The following TASP1 variants were observed in gnomAD, a reference collection of about 807,000 sequenced individuals.
The protein encoded by TASP1 is taspase 1.
TASP1 carries 16 observed loss-of-function variants against 56.6 expected under a neutral mutation model. That is an observed-to-expected ratio of 0.28 (90% CI 0.19 to 0.43). The LOEUF is 0.43. Among genes scored for constraint, TASP1 ranks in the 20% least tolerant of loss-of-function variants. The pLI, the probability that TASP1 is intolerant of heterozygous loss-of-function variation, is 1.00. For synonymous variants in TASP1, 179 were observed against 184.2 expected (o/e 0.97, Z 0.23); for missense variants, 393 against 511.6 (o/e 0.77, Z 2.24).
At chr20:13,334,562 T>C in the TASP1 span, among the ~76,000 whole-genome samples, 1 of 152,222 alleles carries the variant, frequency 6.6e-6, no homozygotes, top group Non-Finnish European at 1.5e-5. Flanking sequence ...AAAGCTTGGA[T>C]ACTAAATAAC....
the TASP1 span, chr20:13,288,673 A>C: frequency 6.2e-7 from 1 of 1,613,788 alleles, no homozygotes; most frequent in Non-Finnish European, 8.5e-7. Context: ...GTGACCGTCC[A>C]AACTGCCCAG....
chr20:13,546,164 T>C (rs1453147991), intron 8 of TASP1, among the ~76,000 whole-genome samples: 3 of 151,064 alleles, frequency 2.0e-5, no homozygotes, highest in Non-Finnish European at 4.4e-5. Context: ...AAATGTTTGC[T>C]GGTGATAATG....
At chr20:13,117,101 A>G in the TASP1 span, among the ~76,000 whole-genome samples, 1 of 152,202 alleles carries the variant, frequency 6.6e-6, no homozygotes, top group Non-Finnish European at 1.5e-5. Flanking sequence ...AGTCAAACAG[A>G]CCTGGCCAAA....
the TASP1 span, among the ~76,000 whole-genome samples, chr20:13,291,299 G>T: frequency 6.6e-6 from 1 of 152,098 alleles, no homozygotes; most frequent in African/African-American, 2.4e-5. Flanking sequence ...GTAACATGAA[G>T]GATTTCGTTT....
chr20:13,595,746 A>G (rs1168123088), intron 4 of TASP1, among the ~76,000 whole-genome samples: 1 of 152,178 alleles, frequency 6.6e-6, no homozygotes, highest in African/African-American at 2.4e-5. Flanking sequence ...GAGACCTAAA[A>G]AGAGATTTAG....
chr20:13,618,693 G>C (rs1179485428), intron 4 of TASP1, among the ~76,000 whole-genome samples: 2 of 152,082 alleles, frequency 1.3e-5, no homozygotes, highest in Non-Finnish European at 1.5e-5. Flanking sequence ...CAAGAAACGA[G>C]TTTTAACCAT....
At chr20:13,120,765 C>A in the TASP1 span, among the ~76,000 whole-genome samples, 2 of 152,200 alleles carry the variant, frequency 1.3e-5, no homozygotes, top group African/African-American at 4.8e-5. Flanking sequence ...CACAAAGTGT[C>A]CTACAAATTC....
intron 13 of TASP1, among the ~76,000 whole-genome samples, chr20:13,394,404 T>A (rs12151883): frequency 0.055 from 8,241 of 148,670 alleles, 334 homozygotes; most frequent in Admixed American, 0.14. Flanking sequence ...AGGTCAGGAG[T>A]TTGAGACCAT....
At chr20:13,288,440 A>G in the TASP1 span, 1 of 1,281,392 alleles carries the variant, frequency 7.8e-7, no homozygotes, top group Non-Finnish European at 1.1e-6. Flanking sequence ...CCCCTCCCAC[A>G]GCGAGAAGGA....
the TASP1 span, among the ~76,000 whole-genome samples, chr20:13,184,574 C>T: frequency 6.6e-6 from 1 of 152,104 alleles, no homozygotes; most frequent in African/African-American, 2.4e-5. Flanking sequence ...TTATTTCTGC[C>T]ACTGTGGTAT....
At chr20:13,459,995 C>T (rs2043994126) in intron 11 of TASP1, among the ~76,000 whole-genome samples, 1 of 152,146 alleles carries the variant, frequency 6.6e-6, no homozygotes, top group Non-Finnish European at 1.5e-5. Flanking sequence ...ACACTTTCCT[C>T]TCCAGCTACC....
At chr20:13,309,803 A>T in the TASP1 span, among the ~76,000 whole-genome samples, 4 of 152,132 alleles carry the variant, frequency 2.6e-5, no homozygotes, top group Non-Finnish European at 1.5e-5. Context: ...TAAGCAAAAA[A>T]ACTATCCAAA....
intron 7 of TASP1, among the ~76,000 whole-genome samples, chr20:13,564,883 G>A (rs1172559167): frequency 6.6e-6 from 1 of 151,816 alleles, no homozygotes; most frequent in African/African-American, 2.4e-5. Context: ...GTGGGCACTT[G>A]TAATCCCAAC....
chr20:13,221,870 G>A, the TASP1 span: 4 of 1,419,190 alleles, frequency 2.8e-6, no homozygotes, highest in Non-Finnish European at 3.7e-6. Flanking sequence ...AGCCGCCGAC[G>A]GGCCCGACGC....
At chr20:13,352,385 G>T in the TASP1 span, among the ~76,000 whole-genome samples, 10 of 151,526 alleles carry the variant, frequency 6.6e-5, no homozygotes, top group South Asian at 2.1e-3. Flanking sequence ...CAGAGGCAGA[G>T]GTAGCAGTAA....
the TASP1 span, among the ~76,000 whole-genome samples, chr20:13,342,157 A>G: frequency 6.6e-6 from 1 of 152,182 alleles, no homozygotes; most frequent in Non-Finnish European, 1.5e-5. Context: ...TTAGCAGTCG[A>G]TTAGGCTACT....
At chr20:13,115,507 CA>C in the TASP1 span, among the ~76,000 whole-genome samples, 1 of 151,976 alleles carries the variant, frequency 6.6e-6, no homozygotes, top group Admixed American at 6.5e-5. Flanking sequence ...AGTTCCAGAA[CA>C]AAAAAATGGC....
At chr20:13,278,165 T>A in the TASP1 span, among the ~76,000 whole-genome samples, 2 of 152,204 alleles carry the variant, frequency 1.3e-5, no homozygotes, top group African/African-American at 4.8e-5. Flanking sequence ...AGGAACCCAA[T>A]GCGTCTTTTA....
intron 11 of TASP1, among the ~76,000 whole-genome samples, chr20:13,482,030 T>C (rs1175775399): frequency 6.6e-6 from 1 of 152,194 alleles, no homozygotes; most frequent in Non-Finnish European, 1.5e-5. Flanking sequence ...AGTGCTTTCT[T>C]GTAGTAGTTT....
Sources: gnomAD v4.1 joint callset for allele counts (sites outside exome capture counted in the v4.1 genomes callset) on GRCh38, gnomAD v4.1.1 for gene constraint, MANE v1.5 for transcripts, NCBI Gene and HGNC (gene_info 2026-07-23, HGNC 2026-07-21) for gene names.